SGCZ: variants seen among roughly 807,000 people sequenced by gnomAD.
SGCZ encodes zeta-sarcoglycan.
Under a neutral mutation model 41.3 loss-of-function variants are expected in SGCZ, and 40 were observed. The observed-to-expected ratio is 0.97, with a 90% CI of 0.75 to 1.26. SGCZ has a LOEUF of 1.26. Ranked by LOEUF, SGCZ falls within the 50% of genes most tolerant of loss-of-function variation. The pLI is 0.00. For missense variants in SGCZ, 552 were observed against 369.8 expected, an observed-to-expected ratio of 1.49 and a Z score of -4.04; for synonymous variants, 206 against 137.5, an observed-to-expected ratio of 1.50 and a Z score of -3.49.
chr8:14,504,317 T>G (rs1382976827), intron 2 of SGCZ, among the ~76,000 whole-genome samples: 1 of 152,198 alleles, frequency 6.6e-6, no homozygotes, highest in African/African-American at 2.4e-5. Context: ...ATTCAATCTT[T>G]AATTAATCAG....
At chr8:14,962,680 C>A (rs1299694140) in intron 1 of SGCZ, among the ~76,000 whole-genome samples, 3 of 151,998 alleles carry the variant, frequency 2.0e-5, no homozygotes, top group Non-Finnish European at 4.4e-5. Flanking sequence ...TAAGTAAATG[C>A]TAAATCAATT....
At chr8:14,638,075 A>C (rs1411674188) in intron 1 of SGCZ, among the ~76,000 whole-genome samples, 1 of 151,864 alleles carries the variant, frequency 6.6e-6, no homozygotes, top group African/African-American at 2.4e-5. Context: ...AGTGACGTTG[A>C]GCATTTTTTC....
intron 2 of SGCZ, among the ~76,000 whole-genome samples, chr8:14,519,400 A>T (rs963147838): frequency 6.6e-6 from 1 of 152,168 alleles, no homozygotes; most frequent in Non-Finnish European, 1.5e-5. Context: ...TTGGCATGAA[A>T]AAATGAAAAA....
chr8:14,952,595 T>A (rs1464999683), intron 1 of SGCZ, among the ~76,000 whole-genome samples: 1 of 152,218 alleles, frequency 6.6e-6, no homozygotes, highest in Non-Finnish European at 1.5e-5. Flanking sequence ...TACAATGATT[T>A]TGCAATGATG....
At chr8:14,739,907 C>T (rs967181118) in intron 1 of SGCZ, among the ~76,000 whole-genome samples, 1 of 151,958 alleles carries the variant, frequency 6.6e-6, no homozygotes, top group African/African-American at 2.4e-5. Context: ...TTCCGTACCA[C>T]CCACCAAATA....
intron 1 of SGCZ, among the ~76,000 whole-genome samples, chr8:15,131,285 G>T (rs750027469): frequency 6.6e-6 from 1 of 152,150 alleles, no homozygotes; most frequent in Non-Finnish European, 1.5e-5. Flanking sequence ...TCTCATGGTA[G>T]TAAGTCTCAT....
At chr8:14,817,759 G>A (rs1801951385) in intron 1 of SGCZ, among the ~76,000 whole-genome samples, 1 of 152,130 alleles carries the variant, frequency 6.6e-6, no homozygotes, top group Non-Finnish European at 1.5e-5. Flanking sequence ...TTGCCCATGT[G>A]CGCTCATTGT....
At chr8:15,214,166 A>T (rs1036375621) in intron 1 of SGCZ, among the ~76,000 whole-genome samples, 1 of 152,064 alleles carries the variant, frequency 6.6e-6, no homozygotes, top group Non-Finnish European at 1.5e-5. Context: ...TTAGGCACCA[A>T]AAGTGGCATT....
chr8:14,629,536 G>C (rs1044619461), intron 1 of SGCZ, among the ~76,000 whole-genome samples: 2 of 151,166 alleles, frequency 1.3e-5, no homozygotes, highest in African/African-American at 4.9e-5. Context: ...AAGATATCGG[G>C]AAGTAAATAG....
At chr8:14,974,606 C>G (rs1801404576) in intron 1 of SGCZ, among the ~76,000 whole-genome samples, 1 of 152,090 alleles carries the variant, frequency 6.6e-6, no homozygotes, top group South Asian at 2.1e-4. Context: ...AAGTGAAACC[C>G]AACTTCAGTG....
chr8:14,727,635 C>A (rs1810099386), intron 1 of SGCZ, among the ~76,000 whole-genome samples: 1 of 151,720 alleles, frequency 6.6e-6, no homozygotes, highest in Non-Finnish European at 1.5e-5. Context: ...CTGAGCCTCC[C>A]GAGTAGCTGG....
rs1806431549 is a variant in SGCZ at position 15,097,868 on chromosome 8, ATATATATATATATACGTGTG to A, written c.39+139697_39+139716del. Among the ~76,000 whole-genome samples the A allele has an allele frequency of 2.0e-4, 6 of 29,870 alleles. No individual in the cohort carries two copies. In the South Asian group the frequency reaches 4.7e-3, roughly 23 times the overall value. 19.6% of individuals were successfully genotyped at this position (29,870 alleles called of 152,430 possible). On this transcript the variant is annotated intron_variant, in intron 1 of 7. Coordinates refer to ENST00000382080, the MANE Select transcript of SGCZ (RefSeq NM_139167.4). ...TATATATATATATACGTGTGTGTGT[ATATATATATATATACGTGTG>A]TATATATATATATATATATATACGT...
intron 5 of SGCZ, among the ~76,000 whole-genome samples, chr8:14,141,041 T>G (rs1803353052): frequency 1.3e-5 from 2 of 152,258 alleles, no homozygotes; most frequent in South Asian, 4.1e-4. Flanking sequence ...ATCTGATCTT[T>G]GACAAACTTG....
chr8:14,197,616 A>G (rs1192601687), intron 4 of SGCZ, among the ~76,000 whole-genome samples: 1 of 152,140 alleles, frequency 6.6e-6, no homozygotes, highest in East Asian at 1.9e-4. Context: ...AATTACATTT[A>G]TTATAAAATC....
intron 2 of SGCZ, among the ~76,000 whole-genome samples, chr8:14,445,323 C>T (rs1006073827): frequency 6.6e-6 from 1 of 152,152 alleles, no homozygotes; most frequent in African/African-American, 2.4e-5. Flanking sequence ...TTTTACTAAT[C>T]GAATGTTGCC....
At chr8:14,519,407 A>G (rs971043369) in intron 2 of SGCZ, among the ~76,000 whole-genome samples, 2 of 152,162 alleles carry the variant, frequency 1.3e-5, no homozygotes, top group East Asian at 3.8e-4. Context: ...GAAAAAATGA[A>G]AAATGTATTA....
chr8:14,668,084 G>C (rs796938620), intron 1 of SGCZ, among the ~76,000 whole-genome samples: 5 of 151,986 alleles, frequency 3.3e-5, no homozygotes, highest in African/African-American at 1.2e-4. Context: ...AGCCTCCCGA[G>C]TGGCTGGGAT....
chr8:15,045,713 C>G (rs1009715325), intron 1 of SGCZ, among the ~76,000 whole-genome samples: 8 of 152,090 alleles, frequency 5.3e-5, no homozygotes, highest in Non-Finnish European at 1.0e-4. Context: ...AAAACAGATT[C>G]TCTCATCAGA....
rs1209126084 is a variant in SGCZ at position 15,120,961 on chromosome 8, A to T, written c.39+116624T>A. 3.9e-5 allele frequency among the ~76,000 whole-genome samples: 6 copies of T among 152,206 alleles called. No individual in the cohort carries two copies. The East Asian group carries it at 7.7e-4, about 20-fold the overall frequency. ...GTATCTAATCAAAAGCATCAACGCCATGACAGCAGCCCTGCTGGGAATCCT... is the reference window on the plus strand; with the variant it reads ...GTATCTAATCAAAAGCATCAACGCCTTGACAGCAGCCCTGCTGGGAATCCT... On this transcript the variant is annotated intron_variant, in intron 1 of 7. Coordinates refer to ENST00000382080, the MANE Select transcript of SGCZ (RefSeq NM_139167.4).
Sources: allele counts gnomAD v4.1 joint callset (sites outside exome capture counted in the v4.1 genomes callset), GRCh38; gene constraint gnomAD v4.1.1; transcripts MANE v1.5; gene names NCBI Gene and HGNC (gene_info 2026-07-23, HGNC 2026-07-21).